The following ABCG2 variants were observed in gnomAD, a reference collection of about 807,000 sequenced individuals.
ABCG2 encodes the protein ATP binding cassette subfamily G member 2 (JR blood group).
In ABCG2, 80 loss-of-function variants were observed where a neutral mutation model predicts 73.5. The ratio of observed to expected loss-of-function variants is 1.09; its 90% CI spans 0.91 to 1.31. The LOEUF (loss-of-function observed/expected upper bound fraction) is 1.31, where lower values mean the gene tolerates loss of function less well. ABCG2 is among the 50% of genes most tolerant of loss of function. The probability of loss-of-function intolerance (pLI) is 0.00; values close to 1 mark genes in which losing one functional copy is unlikely to be tolerated. For synonymous variants in ABCG2, 269 were observed against 282.4 expected, an observed-to-expected ratio of 0.95 and a Z score of 0.48; for missense variants, 796 against 786.2, an observed-to-expected ratio of 1.01 and a Z score of -0.15.
intron 1 of ABCG2, among the ~76,000 whole-genome samples, chr4:88,224,136 G>A (rs537616964): frequency 6.6e-6 from 1 of 152,198 alleles, no homozygotes; most frequent in East Asian, 1.9e-4. Context: ...CCCATTCTGT[G>A]GGTTGTCTTT....
chr4:88,145,120 T>TA, intron 1 of ABCG2, among the ~76,000 whole-genome samples: 1 of 152,152 alleles, frequency 6.6e-6, no homozygotes, highest in South Asian at 2.1e-4. Context: ...ATGACGCTAG[T>TA]ATATGGAGTT....
At chr4:88,139,759 A>T in intron 2 of ABCG2, 34 bp downstream of exon 2, 1 of 1,588,018 alleles carries the variant, frequency 6.3e-7, no homozygotes, top group Non-Finnish European at 8.6e-7. Flanking sequence ...TAGGTAAATT[A>T]AAAAGCTGTC....
chr4:88,099,707 T>C (rs1043883442), intron 11 of ABCG2, among the ~76,000 whole-genome samples: 38 of 152,212 alleles, frequency 2.5e-4, no homozygotes, highest in African/African-American at 8.4e-4. Flanking sequence ...TTCTAGCTCC[T>C]GAACACTCAG....
At chr4:88,203,754 CAA>C (rs34988728) in intron 1 of ABCG2, among the ~76,000 whole-genome samples, 75,470 of 131,944 alleles carry the variant, frequency 0.57, 21,608 homozygotes, top group East Asian at 0.67. Flanking sequence ...AACTCAGTTT[CAA>C]AAAAAAAAAA....
intron 1 of ABCG2, among the ~76,000 whole-genome samples, chr4:88,197,376 G>T (rs1728979179): frequency 6.6e-6 from 1 of 152,088 alleles, no homozygotes; most frequent in African/African-American, 2.4e-5. Context: ...ACCATATTGG[G>T]AGAGTGAGGT....
At chr4:88,192,244 A>G (rs1360272308) in intron 1 of ABCG2, among the ~76,000 whole-genome samples, 1 of 152,124 alleles carries the variant, frequency 6.6e-6, no homozygotes, top group Non-Finnish European at 1.5e-5. Context: ...AATGACTACA[A>G]ATGGGCCTGA....
intron 1 of ABCG2, among the ~76,000 whole-genome samples, chr4:88,229,723 G>A (rs962465300): frequency 6.6e-6 from 1 of 151,918 alleles, no homozygotes; most frequent in African/African-American, 2.4e-5. Flanking sequence ...GACACAATAG[G>A]TATATTTCCT....
chr4:88,211,333 C>T (rs895836155), intron 1 of ABCG2, among the ~76,000 whole-genome samples: 23 of 142,430 alleles, frequency 1.6e-4, no homozygotes, highest in African/African-American at 5.4e-4. Context: ...GAACATTGTA[C>T]CTGATAGGTA....
intron 1 of ABCG2, among the ~76,000 whole-genome samples, chr4:88,208,343 T>C (rs1729459672): frequency 6.6e-6 from 1 of 152,188 alleles, no homozygotes; most frequent in Non-Finnish European, 1.5e-5. Flanking sequence ...GAGAAATCCA[T>C]GGGCAAGCTT....
chr4:88,134,240 C>G (rs1302643540), intron 2 of ABCG2, among the ~76,000 whole-genome samples: 8 of 152,198 alleles, frequency 5.3e-5, no homozygotes, highest in Non-Finnish European at 1.0e-4. Context: ...TGATAAGCAA[C>G]TGCACCACAG....
chr4:88,164,477 C>CA (rs1211162232), intron 1 of ABCG2, among the ~76,000 whole-genome samples: 1 of 152,168 alleles, frequency 6.6e-6, no homozygotes, highest in Non-Finnish European at 1.5e-5. Context: ...AGTGAGTTCT[C>CA]ACGCGCTCTG....
rs775644434 is a variant in ABCG2 at position 88,097,586 on chromosome 4, G to C, written c.1514C>G (p.Ala505Gly). Residue 505 changes from alanine (A) to glycine (G), a missense_variant, in exon 13 of 16, where the codon GCC (alanine) becomes GGC (glycine). By Grantham distance (60) the Ala-to-Gly change is moderately conservative. Transcript: ENST00000237612. ...FMLGLKPKAD[A>G]FFVMMFTLMM... ...AAGGGTAAACATCATAACGAAGAAG[G>C]CATCTGCCTTTGGCTTCAATCCTTA... is the stretch of plus-strand genomic sequence containing the variant. The C allele has an allele frequency of 2.5e-6, 4 of 1,614,064 alleles. No individual in the cohort carries two copies. The highest frequency in any genetic ancestry group is 3.3e-5 in the Admixed American group (2 of 60,014).
chr4:88,178,920 T>C, intron 1 of ABCG2, among the ~76,000 whole-genome samples: 1 of 152,082 alleles, frequency 6.6e-6, no homozygotes, highest in East Asian at 1.9e-4. Context: ...CCAACTGCAG[T>C]CCCTGGCTCC....
At chr4:88,193,175 T>C (rs941912309) in intron 1 of ABCG2, among the ~76,000 whole-genome samples, 23 of 152,194 alleles carry the variant, frequency 1.5e-4, no homozygotes, top group Non-Finnish European at 5.9e-5. Context: ...GGAACATATA[T>C]GTTAACTTGT....
chr4:88,223,725 C>T (rs1730093209), intron 1 of ABCG2: 1 of 152,776 alleles, frequency 6.5e-6, no homozygotes, highest in South Asian at 2.0e-4. Context: ...TTACAGCATC[C>T]TGGGCATTTC....
At chr4:88,212,186 T>C (rs1363902010) in intron 1 of ABCG2, among the ~76,000 whole-genome samples, 3 of 152,170 alleles carry the variant, frequency 2.0e-5, no homozygotes, top group Non-Finnish European at 4.4e-5. Flanking sequence ...CTTTCTGATA[T>C]TGCTTATTCT....
At chr4:88,148,216 C>G (rs1726182592) in intron 1 of ABCG2, among the ~76,000 whole-genome samples, 1 of 152,138 alleles carries the variant, frequency 6.6e-6, no homozygotes, top group Non-Finnish European at 1.5e-5. Context: ...TTCCACAGGG[C>G]TGCTTGTGGG....
intron 1 of ABCG2, among the ~76,000 whole-genome samples, chr4:88,229,317 T>C (rs1278215674): frequency 6.6e-6 from 1 of 152,174 alleles, no homozygotes; most frequent in Non-Finnish European, 1.5e-5. Context: ...CCTTGATTTA[T>C]GACAAATGGC....
intron 1 of ABCG2, among the ~76,000 whole-genome samples, chr4:88,155,961 C>A (rs1047598519): frequency 2.0e-5 from 3 of 152,014 alleles, no homozygotes; most frequent in Admixed American, 6.6e-5. Flanking sequence ...GCTTCTAATA[C>A]CATTCTAAAG....
Sources: allele counts gnomAD v4.1 joint callset (sites outside exome capture counted in the v4.1 genomes callset), GRCh38; gene constraint gnomAD v4.1.1; transcripts MANE v1.5; gene names NCBI Gene and HGNC (gene_info 2026-07-23, HGNC 2026-07-21).